The following CTNNA2 variants were observed in gnomAD, a reference collection of about 807,000 sequenced individuals.
CTNNA2 encodes catenin alpha 2, also known as catenin alpha-2.
Under a neutral mutation model 101.0 loss-of-function variants are expected in CTNNA2, and 42 were observed. The observed-to-expected ratio is 0.42, with a 90% CI of 0.32 to 0.54. CTNNA2 has a LOEUF of 0.54. Ranked by LOEUF, CTNNA2 falls within the 20% of genes least tolerant of loss-of-function variation. CTNNA2 has a pLI of 0.14. For missense variants in CTNNA2, 871 were observed against 1,223.1 expected (o/e 0.71, Z 4.29); for synonymous variants, 450 against 456.4 (o/e 0.99, Z 0.18).
intron 9 of CTNNA2, among the ~76,000 whole-genome samples, chr2:80,474,399 C>A (rs774914522): frequency 6.6e-6 from 1 of 151,892 alleles, no homozygotes; most frequent in African/African-American, 2.4e-5. Flanking sequence ...ATATCCACAG[C>A]CTACTCCTGT....
At chr2:79,331,947 C>G (rs1167947531) in intron 3 of CTNNA2, among the ~76,000 whole-genome samples, 4 of 152,130 alleles carry the variant, frequency 2.6e-5, no homozygotes. Flanking sequence ...CATAATGGAA[C>G]AGCAGATTAG....
intron 3 of CTNNA2, among the ~76,000 whole-genome samples, chr2:79,771,993 C>T (rs1558916156): frequency 3.4e-5 from 5 of 147,204 alleles, no homozygotes. Flanking sequence ...ATAAGTTAAC[C>T]CCCCCTCCTC....
At chr2:80,094,698 A>G (rs1346058791) in intron 7 of CTNNA2, among the ~76,000 whole-genome samples, 7 of 151,496 alleles carry the variant, frequency 4.6e-5, no homozygotes, top group East Asian at 2.0e-4. Context: ...GTGGTTTGTA[A>G]TTCTCCTTGA....
intron 7 of CTNNA2, among the ~76,000 whole-genome samples, chr2:80,208,427 T>C (rs914665498): frequency 6.6e-6 from 1 of 152,228 alleles, no homozygotes; most frequent in Non-Finnish European, 1.5e-5. Context: ...TCTCTTACTA[T>C]ACTGCTAACA....
chr2:79,961,708 G>C (rs931079306), intron 7 of CTNNA2, among the ~76,000 whole-genome samples: 16 of 151,698 alleles, frequency 1.1e-4, no homozygotes, highest in Non-Finnish European at 1.5e-4. Context: ...TGTAGTCCCA[G>C]CTACTCGGGA....
rs375184305 is a variant in CTNNA2 at position 79,884,751 on chromosome 2, C to CTTT, written c.852+10421_852+10423dup. On this transcript the variant is annotated intron_variant, in intron 6 of 18. Transcript: ENST00000402739. ...CTTTTTCATCATCTCTTTAAATATGCTTTTTTTTTTTTTTCTGTTCTTGGT... is the reference window on the plus strand; with the variant it reads ...CTTTTTCATCATCTCTTTAAATATGCTTTTTTTTTTTTTTTTTCTGTTCTTGGT... Among the ~76,000 whole-genome samples the CTTT allele has an allele frequency of 2.1e-3, 294 of 138,386 alleles. 4 individuals carry two copies. Among genetic ancestry groups the CTTT allele is most frequent in the African/African-American group, 5.0e-3 (186 of 37,046 alleles). 90.8% of individuals were successfully genotyped at this position (138,386 alleles called of 152,430 possible).
At chr2:80,495,665 C>T (rs913913407) in intron 9 of CTNNA2, among the ~76,000 whole-genome samples, 7 of 152,112 alleles carry the variant, frequency 4.6e-5, no homozygotes, top group Admixed American at 1.3e-4. Flanking sequence ...TGGCCAGGCA[C>T]GGTTGGCTCA....
intron 3 of CTNNA2, among the ~76,000 whole-genome samples, chr2:79,340,486 A>G (rs1677102875): frequency 6.6e-6 from 1 of 152,172 alleles, no homozygotes; most frequent in African/African-American, 2.4e-5. Flanking sequence ...CAACAAAATT[A>G]TCAGCCCCAA....
At chr2:80,131,833 C>G (rs568940361) in intron 7 of CTNNA2, among the ~76,000 whole-genome samples, 32 of 152,294 alleles carry the variant, frequency 2.1e-4, no homozygotes, top group Non-Finnish European at 3.8e-4. Flanking sequence ...GTAATCCCAG[C>G]ACTTTGGGAG....
intron 8 of CTNNA2, among the ~76,000 whole-genome samples, chr2:80,396,228 T>A (rs571057619): frequency 6.6e-6 from 1 of 152,280 alleles, no homozygotes; most frequent in South Asian, 2.1e-4. Flanking sequence ...TGAAAAAGAT[T>A]ATAGGGACCC....
intron 4 of CTNNA2, among the ~76,000 whole-genome samples, chr2:79,408,659 A>G (rs1678368324): frequency 3.3e-5 from 5 of 152,116 alleles, no homozygotes; most frequent in Admixed American, 6.6e-5. Flanking sequence ...ATAGTATTCC[A>G]TGGTGTAAAT....
chr2:80,181,090 C>A (rs575850145), intron 7 of CTNNA2, among the ~76,000 whole-genome samples: 2 of 152,122 alleles, frequency 1.3e-5, no homozygotes, highest in Non-Finnish European at 2.9e-5. Context: ...GTGTAGTGCA[C>A]TTCCTCATGG....
At chr2:79,757,154 T>G (rs1402402822) in intron 3 of CTNNA2, among the ~76,000 whole-genome samples, 1 of 152,218 alleles carries the variant, frequency 6.6e-6, no homozygotes, top group Non-Finnish European at 1.5e-5. Flanking sequence ...AATTTTAGAC[T>G]TATGGAAAAT....
intron 12 of CTNNA2, among the ~76,000 whole-genome samples, chr2:80,561,952 A>G (rs900104513): frequency 4.6e-5 from 7 of 151,544 alleles, no homozygotes; most frequent in Non-Finnish European, 4.4e-5. Context: ...CTGGGATTAC[A>G]GGCATGAGCC....
chr2:79,996,307 T>C (rs1406746301), intron 7 of CTNNA2, among the ~76,000 whole-genome samples: 2 of 152,136 alleles, frequency 1.3e-5, no homozygotes, highest in Admixed American at 1.3e-4. Flanking sequence ...TCCTAGTGAG[T>C]TTGTCCTCTA....
chr2:80,369,360 AT>A (rs1276548705), intron 7 of CTNNA2, among the ~76,000 whole-genome samples: 1 of 152,144 alleles, frequency 6.6e-6, no homozygotes, highest in African/African-American at 2.4e-5. Context: ...AAGTTGGGGA[AT>A]ATACATATTC....
chr2:80,374,692 T>C (rs1022111061), intron 7 of CTNNA2, among the ~76,000 whole-genome samples: 8 of 151,592 alleles, frequency 5.3e-5, no homozygotes, highest in South Asian at 4.2e-4. Flanking sequence ...CGTGTGTGTG[T>C]GTGTGTGTGT....
At chr2:79,628,826 G>A (rs925946386) in intron 1 of CTNNA2, among the ~76,000 whole-genome samples, 9 of 152,104 alleles carry the variant, frequency 5.9e-5, no homozygotes, top group African/African-American at 2.2e-4. Context: ...TTGTCTCATG[G>A]GCAGAAGCTT....
chr2:79,294,995 A>G (rs113182799), intron 2 of CTNNA2, among the ~76,000 whole-genome samples: 3,682 of 150,638 alleles, frequency 0.024, 66 homozygotes, highest in Non-Finnish European at 0.036. Context: ...GTGTGAGTTC[A>G]TGTGTGTGTG....
Sources: allele counts gnomAD v4.1 joint callset (sites outside exome capture counted in the v4.1 genomes callset), GRCh38; gene constraint gnomAD v4.1.1; transcripts MANE v1.5; gene names NCBI Gene and HGNC (gene_info 2026-07-23, HGNC 2026-07-21).